The following PRKCH variants were observed in gnomAD, a reference collection of about 807,000 sequenced individuals.
PRKCH encodes protein kinase C eta type.
In PRKCH, 28 loss-of-function variants were observed where a neutral mutation model predicts 82.5. The observed-to-expected ratio is 0.34, with a 90% CI of 0.25 to 0.47. The LOEUF is 0.47. PRKCH is among the 20% of genes least tolerant of loss of function. The pLI, the probability that PRKCH is intolerant of heterozygous loss-of-function variation, is 1.00. For missense variants in PRKCH, 705 were observed against 881.8 expected (o/e 0.80, Z 2.54); for synonymous variants, 322 against 327.4 (o/e 0.98, Z 0.18).
chr14:61,432,067 CTTTT>C (rs59238281), intron 2 of PRKCH, among the ~76,000 whole-genome samples: 8 of 143,694 alleles, frequency 5.6e-5, no homozygotes, highest in Non-Finnish European at 7.6e-5. Context: ...ATCTCTCTCT[CTTTT>C]TTTTTTTTTT....
rs34159231 is a variant in PRKCH, at chr14:61,547,815, C to G, written c.1834C>G (p.Pro612Ala). 6.2e-7 allele frequency: 1 copy of G among 1,614,204 alleles called. No homozygotes were observed. Among genetic ancestry groups the G allele is most frequent in the South Asian group, 1.1e-5 (1 of 91,080 alleles). Residue 612 changes from proline (P) to alanine (A), a missense_variant, in exon 13 of 14, where the codon CCT (proline) becomes GCT (alanine). Pro to Ala is a conservative substitution (Grantham distance 27). Transcript: ENST00000332981. ...QGGEHAILRH[P>A]FFKEIDWAQL... is the part of the protein sequence containing the mutation. ...AGGCGAGCACGCCATCTTGAGACATCCTTTTTTTAAGGAAATCGACTGGGC... is the reference window on the plus strand; with the variant it reads ...AGGCGAGCACGCCATCTTGAGACATGCTTTTTTTAAGGAAATCGACTGGGC...
At chr14:61,381,795 G>A (rs1487738451) in intron 1 of PRKCH, among the ~76,000 whole-genome samples, 3 of 152,226 alleles carry the variant, frequency 2.0e-5, no homozygotes, top group African/African-American at 7.2e-5. Flanking sequence ...GGCTCCCAGG[G>A]GAATGAGTGG....
chr14:61,459,664 G>A (rs1183995670), intron 9 of PRKCH, among the ~76,000 whole-genome samples: 1 of 152,184 alleles, frequency 6.6e-6, no homozygotes, highest in South Asian at 2.1e-4. Flanking sequence ...GGTAATATAA[G>A]TATCCTCCAA....
chr14:61,340,258 T>A (rs1399297703), intron 1 of PRKCH, among the ~76,000 whole-genome samples: 3 of 151,914 alleles, frequency 2.0e-5, no homozygotes, highest in Non-Finnish European at 4.4e-5. Context: ...CTTCTTCAGA[T>A]TCATTGCTCC....
intron 1 of PRKCH, among the ~76,000 whole-genome samples, chr14:61,237,311 G>A (rs1348342608): frequency 4.6e-5 from 7 of 151,590 alleles, no homozygotes; most frequent in African/African-American, 4.8e-5. Context: ...CAGATAGCAG[G>A]CCCTAAAAGA....
chr14:61,391,285 G>C lies in PRKCH; in HGVS notation c.424G>C (p.Glu142Gln). Reference sequence around the variant, plus strand: ...AATAACCCTTACCGGGAGTTTCACTGAAGGTAAGAATGAGTTTTGGGTAGT... The same window carrying C: ...AATAACCCTTACCGGGAGTTTCACTCAAGGTAAGAATGAGTTTTGGGTAGT... ...VVITLTGSFTEATLQRDRIFK... is the reference protein window; with the variant it reads ...VVITLTGSFTQATLQRDRIFK... Residue 142 changes from glutamate (E) to glutamine (Q), a missense_variant, in exon 2 of 14, where the codon GAA becomes CAA. Glu to Gln is a conservative substitution (Grantham distance 29). Transcript: ENST00000332981. The C allele has an allele frequency of 6.2e-7, 1 of 1,608,278 alleles. No individual in the cohort carries two copies. The highest frequency in any genetic ancestry group is 8.5e-7 in the Non-Finnish European group (1 of 1,177,206).
intron 13 of PRKCH, among the ~76,000 whole-genome samples, chr14:61,548,967 A>T (rs951409483): frequency 3.9e-5 from 6 of 152,204 alleles, no homozygotes; most frequent in Admixed American, 3.9e-4. Flanking sequence ...TTGTTTATAC[A>T]GATATAAAAT....
At chr14:61,491,959 T>C (rs1886466517) in intron 10 of PRKCH, among the ~76,000 whole-genome samples, 1 of 152,152 alleles carries the variant, frequency 6.6e-6, no homozygotes, top group South Asian at 2.1e-4. Flanking sequence ...GAACCTAGAA[T>C]AGGGTGATTC....
chr14:61,209,874 G>A (rs1276900991), intron 1 of PRKCH, among the ~76,000 whole-genome samples: 1 of 151,686 alleles, frequency 6.6e-6, no homozygotes, highest in African/African-American at 2.4e-5. Context: ...TGCACCCATT[G>A]TTTAGCACCC....
chr14:61,448,712 G>A (rs1390635360), intron 4 of PRKCH, among the ~76,000 whole-genome samples: 3 of 152,152 alleles, frequency 2.0e-5, no homozygotes, highest in Admixed American at 6.5e-5. Context: ...TTGTTGGAAG[G>A]GTCCAGGAAG....
At chr14:61,543,753 A>C (rs943668230) in intron 12 of PRKCH, 1 of 152,196 alleles carries the variant, frequency 6.6e-6, no homozygotes, top group Admixed American at 6.5e-5. Context: ...TAGGGACATA[A>C]GCAAATAATG....
chr14:61,441,022 A>T (rs936869390), intron 2 of PRKCH, among the ~76,000 whole-genome samples: 1 of 150,212 alleles, frequency 6.7e-6, no homozygotes, highest in African/African-American at 2.4e-5. Context: ...GGCTCAAGTG[A>T]TCCTCCCTAG....
chr14:61,240,941 G>A (rs368524051), intron 1 of PRKCH, among the ~76,000 whole-genome samples: 9 of 79,664 alleles, frequency 1.1e-4, no homozygotes, highest in Non-Finnish European at 1.7e-4. Flanking sequence ...CCAAGCAAGC[G>A]TCAATTCTAC....
intron 2 of PRKCH, 65 bp downstream of exon 2, chr14:61,391,353 T>G (rs2046679117): frequency 7.5e-7 from 1 of 1,333,562 alleles, no homozygotes; most frequent in Admixed American, 2.2e-5. Context: ...AGTAGGAATT[T>G]CTATCATGGA....
intron 4 of PRKCH, among the ~76,000 whole-genome samples, chr14:61,447,174 AG>A (rs540207835): frequency 1.2e-3 from 181 of 152,348 alleles, no homozygotes; most frequent in African/African-American, 4.3e-3. Context: ...ACAACAATAA[AG>A]GGGTCAGTTT....
At chr14:61,212,250 A>C (rs1039962220) in intron 1 of PRKCH, among the ~76,000 whole-genome samples, 1 of 152,206 alleles carries the variant, frequency 6.6e-6, no homozygotes, top group African/African-American at 2.4e-5. Flanking sequence ...CAAGGGCATA[A>C]CTGTTCTAGA....
chr14:61,209,778 C>T (rs1019089797), intron 1 of PRKCH, among the ~76,000 whole-genome samples: 2 of 152,052 alleles, frequency 1.3e-5, no homozygotes, highest in Admixed American at 6.6e-5. Flanking sequence ...TTGTACCCAA[C>T]AGGTAATTTT....
At chr14:61,263,717 A>T (rs2045070378) in intron 1 of PRKCH, among the ~76,000 whole-genome samples, 1 of 152,188 alleles carries the variant, frequency 6.6e-6, no homozygotes, top group African/African-American at 2.4e-5. Context: ...AGTTCATCTA[A>T]TAATTTATGG....
chr14:61,403,184 A>ATAAATGATAAATATTTT (rs1317274008), intron 2 of PRKCH, among the ~76,000 whole-genome samples: 2 of 152,212 alleles, frequency 1.3e-5, no homozygotes, highest in Non-Finnish European at 2.9e-5. Context: ...ATTGTTTTTA[A>ATAAATGATAAATATTTT]TAAATGATAA....
Sources: allele counts gnomAD v4.1 joint callset (sites outside exome capture counted in the v4.1 genomes callset), GRCh38; gene constraint gnomAD v4.1.1; transcripts MANE v1.5; gene names NCBI Gene and HGNC (gene_info 2026-07-23, HGNC 2026-07-21).